TBCE: variants seen among roughly 807,000 people sequenced by gnomAD.
TBCE encodes tubulin-specific chaperone E.
In TBCE, 53 loss-of-function variants were observed where a neutral mutation model predicts 77.0. The observed-to-expected ratio is 0.69, with a 90% CI of 0.55 to 0.87. TBCE has a LOEUF of 0.87. Among genes scored for constraint, TBCE ranks in the 40% least tolerant of loss-of-function variants. The pLI, the probability that TBCE is intolerant of heterozygous loss-of-function variation, is 0.00. For synonymous variants in TBCE, 235 were observed against 241.3 expected (o/e 0.97, Z 0.24); for missense variants, 624 against 622.4 (o/e 1.00, Z -0.03).
Position 235,439,389 on chromosome 1 carries a change from A to G in TBCE, c.1270+467A>G, listed in dbSNP as rs1479156707. The stretch of plus-strand genomic sequence containing the variant: ...CGGGCACCTGTAGTCCCAGCTACTC[A>G]GGAGGCTGAGGCAGGAGAATGGTGT... On this transcript the variant is annotated intron_variant, in intron 13 of 16. Transcript: ENST00000642610. Among the ~76,000 whole-genome samples, 4 of 150,708 alleles carry G rather than the reference A, an allele frequency of 2.7e-5. No individual in the cohort carries two copies. The East Asian group carries it at 8.1e-4, about 31-fold the overall frequency.
chr1:235,448,502 A>G, intron 16 of TBCE, 62 bp downstream of exon 16: 1 of 1,523,468 alleles, frequency 6.6e-7, no homozygotes, highest in Non-Finnish European at 9.1e-7. Flanking sequence ...ATGACATTAA[A>G]CTGTCTCTAG....
At chr1:235,439,866 A>G (rs1681725949) in intron 13 of TBCE, among the ~76,000 whole-genome samples, 1 of 151,996 alleles carries the variant, frequency 6.6e-6, no homozygotes, top group African/African-American at 2.4e-5. Context: ...CAGTGGCACA[A>G]TCTCAGCTCA....
intron 6 of TBCE, among the ~76,000 whole-genome samples, chr1:235,428,586 T>A (rs551991287): frequency 9.4e-4 from 143 of 152,194 alleles, no homozygotes; most frequent in African/African-American, 3.0e-3. Flanking sequence ...TTTACTTGAA[T>A]TTATCTAACT....
At chr1:235,418,192 A>G (rs751275437) in intron 4 of TBCE, among the ~76,000 whole-genome samples, 4 of 152,188 alleles carry the variant, frequency 2.6e-5, no homozygotes, top group Non-Finnish European at 1.5e-5. Context: ...AGTTCGCACA[A>G]TATTGCATTG....
intron 6 of TBCE, among the ~76,000 whole-genome samples, chr1:235,427,752 C>T (rs558298002): frequency 9.3e-4 from 142 of 152,228 alleles, no homozygotes; most frequent in African/African-American, 3.2e-3. Context: ...GCATCTGGGC[C>T]GGGTGCAGTG....
chr1:235,436,125 C>A (rs542978715), intron 9 of TBCE: 2 of 599,716 alleles, frequency 3.3e-6, no homozygotes, highest in Non-Finnish European at 5.9e-6. Flanking sequence ...GGCAGTAGAC[C>A]GTGTCTCTTT....
chr1:235,371,212 A>G (rs1676931100), intron 1 of TBCE, among the ~76,000 whole-genome samples: 1 of 148,478 alleles, frequency 6.7e-6, no homozygotes, highest in African/African-American at 2.5e-5. Context: ...ATGCGCCACC[A>G]TACCTGACTA....
chr1:235,447,660 C>G (rs1682480439), intron 15 of TBCE, among the ~76,000 whole-genome samples: 1 of 152,078 alleles, frequency 6.6e-6, no homozygotes, highest in African/African-American at 2.4e-5. Context: ...AGTGTTCGTT[C>G]AGTAATTCAT....
intron 7 of TBCE, among the ~76,000 whole-genome samples, chr1:235,432,385 T>A (rs1157346271): frequency 1.3e-5 from 2 of 152,210 alleles, no homozygotes; most frequent in African/African-American, 4.8e-5. Context: ...GGTGGGCCCC[T>A]TGTGCCCTTA....
chr1:235,451,871 G>C lies in TBCE; in HGVS notation c.*3109G>C, dbSNP rs1353998102. 1 of 152,118 alleles carries C rather than the reference G, an allele frequency of 6.6e-6. No individual in the cohort carries two copies. Among genetic ancestry groups the C allele is most frequent in the African/African-American group, 2.4e-5 (1 of 41,432 alleles). The allele number at this position is 152,118 out of a possible 1,614,324, so 9.4% of individuals were successfully genotyped here. A position where few individuals can be genotyped will look rare whatever the true frequency, so the allele number is the denominator to read the frequency against. ...TTCCCAGGGCTCTAGTTTCCATTTT[G>C]GTCTCTGCAGATTCATTTTTTTTTC... On this transcript the variant is annotated 3_prime_UTR_variant, in exon 17 of 17. Transcript: ENST00000642610.
intron 2 of TBCE, among the ~76,000 whole-genome samples, chr1:235,387,526 G>A (rs1012790854): frequency 9.2e-5 from 14 of 152,204 alleles, no homozygotes; most frequent in East Asian, 3.9e-4. Flanking sequence ...CCCCAGCCGC[G>A]CTGCTGCCTT....
In TBCE at chr1:235,430,814, T is replaced by A. The variant is rs1176797371; in HGVS notation, c.660+10T>A. On this transcript the variant is annotated intron_variant, in intron 7 of 16. Coordinates refer to ENST00000642610, the MANE Select transcript of TBCE (RefSeq NM_003193.5). ...AATAACGTGGGCTGAGGTAATCATA[T>A]TTCTTTGTTTTATTACACATTAATA... 6.2e-7 allele frequency: 1 copy of A among 1,604,348 alleles called. No individual in the cohort carries two copies. Among genetic ancestry groups the A allele is most frequent in the South Asian group, 1.1e-5 (1 of 90,784 alleles).
chr1:235,381,628 T>G (rs1558348086), intron 2 of TBCE, among the ~76,000 whole-genome samples: 1 of 126,304 alleles, frequency 7.9e-6, no homozygotes, highest in African/African-American at 3.1e-5. Flanking sequence ...GAGGTTGCAG[T>G]GAGCCGAGAC....
chr1:235,374,103 C>T lies in TBCE; in HGVS notation c.-31-5916C>T, dbSNP rs540868792. On this transcript the variant is annotated intron_variant, in intron 1 of 16. Transcript: ENST00000642610. ...TCCAGAGTAGCTGGGATTACGGGTGCTTGCCACCATGCCTGGCTAATTTTT... is the reference window on the plus strand; with the variant it reads ...TCCAGAGTAGCTGGGATTACGGGTGTTTGCCACCATGCCTGGCTAATTTTT... 7.1e-4 allele frequency among the ~76,000 whole-genome samples: 104 copies of T among 145,468 alleles called. 12 individuals carry two copies. Among genetic ancestry groups the T allele is most frequent in the African/African-American group, 2.5e-3 (94 of 37,652 alleles).
intron 7 of TBCE, chr1:235,433,231 T>C: frequency 1.6e-6 from 2 of 1,252,432 alleles, no homozygotes; most frequent in Non-Finnish European, 2.0e-6. Context: ...CTCAACTATT[T>C]GGTTTTTGAG....
chr1:235,412,138 C>T (rs1572386484), intron 3 of TBCE, among the ~76,000 whole-genome samples: 2 of 17,738 alleles, frequency 1.1e-4, no homozygotes, highest in East Asian at 1.6e-3. Context: ...CCCTTCTCCT[C>T]CCCTTCCCCT....
intron 12 of TBCE, 86 bp downstream of exon 12, chr1:235,437,560 C>T: frequency 2.6e-6 from 4 of 1,526,896 alleles, no homozygotes; most frequent in Non-Finnish European, 3.6e-6. Flanking sequence ...ACCTGTAATC[C>T]CAGCACTTTG....
intron 2 of TBCE, among the ~76,000 whole-genome samples, chr1:235,381,338 CATA>C (rs1308170836): frequency 6.6e-6 from 1 of 151,954 alleles, no homozygotes; most frequent in Non-Finnish European, 1.5e-5. Flanking sequence ...GTTCTTGAAA[CATA>C]ATTTTTCTCT....
chr1:235,443,969 T>G (rs1249442724), intron 15 of TBCE, among the ~76,000 whole-genome samples: 2 of 152,244 alleles, frequency 1.3e-5, no homozygotes, highest in Admixed American at 6.5e-5. Context: ...AAGATTAAAC[T>G]TGATTCATAG....
Sources: gnomAD v4.1 joint callset for allele counts (sites outside exome capture counted in the v4.1 genomes callset) on GRCh38, gnomAD v4.1.1 for gene constraint, MANE v1.5 for transcripts, NCBI Gene and HGNC (gene_info 2026-07-23, HGNC 2026-07-21) for gene names.